KLF12: variants seen among roughly 807,000 people sequenced by gnomAD.
The protein encoded by KLF12 is Krueppel-like factor 12.
A neutral mutation model predicts 37.8 loss-of-function variants in KLF12; 9 were observed. That is an observed-to-expected ratio of 0.24 (90% CI 0.14 to 0.42). KLF12 has a LOEUF of 0.42. Among genes scored for constraint, KLF12 ranks in the 10% least tolerant of loss-of-function variants. The pLI is 1.00. For missense variants in KLF12, 411 were observed against 516.0 expected, an observed-to-expected ratio of 0.80 and a Z score of 1.97; for synonymous variants, 208 against 202.1, an observed-to-expected ratio of 1.03 and a Z score of -0.25.
At chr13:74,122,583 G>A (rs992046257) in intron 1 of KLF12, among the ~76,000 whole-genome samples, 3 of 152,082 alleles carry the variant, frequency 2.0e-5, no homozygotes, top group Non-Finnish European at 2.9e-5. Context: ...TACCCATAAA[G>A]TTATTTATTA....
intron 2 of KLF12, among the ~76,000 whole-genome samples, chr13:73,945,438 C>T (rs536693681): frequency 1.1e-4 from 17 of 152,206 alleles, no homozygotes; most frequent in African/African-American, 4.1e-4. Flanking sequence ...CATTGCACTC[C>T]AGCCTGGGGA....
chr13:74,069,388 T>G (rs1007992225), intron 1 of KLF12, among the ~76,000 whole-genome samples: 1 of 151,516 alleles, frequency 6.6e-6, no homozygotes, highest in African/African-American at 2.4e-5. Flanking sequence ...CTGGAGAGAG[T>G]AGAGTTGATG....
At chr13:74,054,101 C>T (rs1428087621) in intron 1 of KLF12, among the ~76,000 whole-genome samples, 1 of 152,030 alleles carries the variant, frequency 6.6e-6, no homozygotes, top group African/African-American at 2.4e-5. Context: ...TAAATTGCTC[C>T]AGAATATCTT....
At chr13:73,962,183 C>T (rs1409939103) in intron 2 of KLF12, among the ~76,000 whole-genome samples, 1 of 152,094 alleles carries the variant, frequency 6.6e-6, no homozygotes, top group Non-Finnish European at 1.5e-5. Context: ...CATGCAGGAA[C>T]CTTACATGCA....
intron 6 of KLF12, among the ~76,000 whole-genome samples, chr13:73,738,124 TACACACACACAC>T (rs199524649): frequency 2.1e-4 from 17 of 81,914 alleles, no homozygotes; most frequent in African/African-American, 1.2e-3. Context: ...TATATATATA[TACACACACACAC>T]ATATATATAC....
At chr13:73,909,687 T>C (rs1348366673) in intron 3 of KLF12, among the ~76,000 whole-genome samples, 1 of 152,194 alleles carries the variant, frequency 6.6e-6, no homozygotes, top group African/African-American at 2.4e-5. Context: ...TCAATCTACA[T>C]ATACCAGGCA....
chr13:74,007,986 A>G (rs1451333198), intron 1 of KLF12, among the ~76,000 whole-genome samples: 2 of 152,174 alleles, frequency 1.3e-5, no homozygotes, highest in East Asian at 3.9e-4. Context: ...ATCAATTGAT[A>G]TGAAATCAAA....
At chr13:74,062,320 TTTGG>T (rs2138655445) in intron 1 of KLF12, among the ~76,000 whole-genome samples, 1 of 152,340 alleles carries the variant, frequency 6.6e-6, no homozygotes, top group African/African-American at 2.4e-5. Context: ...TTTGTCTCTA[TTTGG>T]TTGATGTATC....
intron 5 of KLF12, chr13:73,801,275 A>T (rs1485550169): frequency 6.6e-6 from 1 of 152,064 alleles, no homozygotes; most frequent in East Asian, 1.9e-4. Flanking sequence ...AATGGCTGTA[A>T]CTCCTGGAAA....
intron 3 of KLF12, among the ~76,000 whole-genome samples, chr13:73,847,691 C>T (rs1208536603): frequency 6.6e-6 from 1 of 151,986 alleles, no homozygotes; most frequent in African/African-American, 2.4e-5. Flanking sequence ...CCTATAAAAA[C>T]AAATGACTTA....
rs1434010611 is a variant in KLF12 at position 74,125,162 on chromosome 13, T to TAC, written c.-32+8576_-32+8577insGT. On this transcript the variant is annotated intron_variant, in intron 1 of 7. Coordinates refer to ENST00000377669, the MANE Select transcript of KLF12 (RefSeq NM_007249.5). Reference sequence around the variant, plus strand: ...TCCGTTTCAAAAAAAAAAATATATATATATACACACACACACACACACACA... The same window carrying TAC: ...TCCGTTTCAAAAAAAAAAATATATATACATATACACACACACACACACACACA... 6.1e-4 allele frequency among the ~76,000 whole-genome samples: 80 copies of TAC among 131,946 alleles called. No individual in the cohort carries two copies. In the East Asian group the frequency reaches 8.3e-3, roughly 14 times the overall value. The allele number at this position is 131,946 out of a possible 152,430, so 86.6% of individuals were successfully genotyped here.
chr13:73,976,800 A>G (rs1434214596), intron 2 of KLF12, among the ~76,000 whole-genome samples: 2 of 152,188 alleles, frequency 1.3e-5, no homozygotes. Context: ...TCAATTTTCT[A>G]GGAGTAATTT....
At chr13:74,035,644 G>T (rs1893227313) in intron 1 of KLF12, among the ~76,000 whole-genome samples, 1 of 152,134 alleles carries the variant, frequency 6.6e-6, no homozygotes, top group African/African-American at 2.4e-5. Flanking sequence ...TAGAAAAGCT[G>T]AAGAGAATCA....
chr13:74,122,401 A>G (rs1056718538), intron 1 of KLF12, among the ~76,000 whole-genome samples: 1 of 152,150 alleles, frequency 6.6e-6, no homozygotes, highest in African/African-American at 2.4e-5. Context: ...CAGACTGGGA[A>G]ACATGAACTA....
the KLF12 span, among the ~76,000 whole-genome samples, chr13:74,164,102 C>G: frequency 6.6e-6 from 1 of 151,962 alleles, no homozygotes; most frequent in Non-Finnish European, 1.5e-5. Flanking sequence ...ATTTGGCAGT[C>G]AGTATAATAG....
the KLF12 span, among the ~76,000 whole-genome samples, chr13:74,224,812 C>T: frequency 6.6e-6 from 1 of 152,092 alleles, no homozygotes; most frequent in Non-Finnish European, 1.5e-5. Context: ...TTTTACCAAG[C>T]ATGCCAAAAT....
chr13:74,201,329 T>C, the KLF12 span, among the ~76,000 whole-genome samples: 1 of 152,174 alleles, frequency 6.6e-6, no homozygotes, highest in South Asian at 2.1e-4. Context: ...CTTGTTGTAA[T>C]GTAAGGTACC....
chr13:74,190,043 G>A, the KLF12 span, among the ~76,000 whole-genome samples: 14 of 151,952 alleles, frequency 9.2e-5, no homozygotes, highest in South Asian at 6.2e-4. Context: ...AAAGATTACT[G>A]CAAAGAGTAA....
At chr13:73,912,787 T>G (rs571427461) in intron 3 of KLF12, among the ~76,000 whole-genome samples, 1 of 152,308 alleles carries the variant, frequency 6.6e-6, no homozygotes, top group Admixed American at 6.5e-5. Context: ...AGTTCTTTGT[T>G]AACTCTTTAA....
Sources: gnomAD v4.1 joint callset for allele counts (sites outside exome capture counted in the v4.1 genomes callset) on GRCh38, gnomAD v4.1.1 for gene constraint, MANE v1.5 for transcripts, NCBI Gene and HGNC (gene_info 2026-07-23, HGNC 2026-07-21) for gene names.